MFHAS1: variants seen among roughly 807,000 people sequenced by gnomAD.
The protein encoded by MFHAS1 is malignant fibrous histiocytoma-amplified sequence 1.
In MFHAS1, 50 loss-of-function variants were observed where a neutral mutation model predicts 70.4. That is an observed-to-expected ratio of 0.71 (90% CI 0.57 to 0.90). MFHAS1 has a LOEUF of 0.90. Among genes scored for constraint, MFHAS1 ranks in the 40% least tolerant of loss-of-function variants. MFHAS1 has a pLI of 0.00. For missense variants in MFHAS1, 1,795 were observed against 1,347.6 expected, an observed-to-expected ratio of 1.33 and a Z score of -5.20; for synonymous variants, 952 against 620.0, an observed-to-expected ratio of 1.54 and a Z score of -7.96.
intron 2 of MFHAS1, among the ~76,000 whole-genome samples, chr8:8,793,615 G>C (rs1805791685): frequency 6.6e-6 from 1 of 152,222 alleles, no homozygotes; most frequent in South Asian, 2.1e-4. Context: ...AACAGTGAGT[G>C]ATATGTTCAC....
intron 1 of MFHAS1, among the ~76,000 whole-genome samples, chr8:8,871,457 C>T (rs767382952): frequency 6.6e-6 from 1 of 152,070 alleles, no homozygotes. Flanking sequence ...CAATGAGGCA[C>T]AAGAATCATT....
At chr8:8,821,485 G>A in intron 1 of MFHAS1, among the ~76,000 whole-genome samples, 1 of 152,314 alleles carries the variant, frequency 6.6e-6, no homozygotes, top group East Asian at 1.9e-4. Flanking sequence ...ATACAAAGTT[G>A]TTATTAATGC....
chr8:8,806,465 T>G (rs1346633613), intron 1 of MFHAS1, among the ~76,000 whole-genome samples: 1 of 152,212 alleles, frequency 6.6e-6, no homozygotes, highest in Non-Finnish European at 1.5e-5. Flanking sequence ...AGTCACCTAC[T>G]AAGAAGGGCT....
intron 1 of MFHAS1, among the ~76,000 whole-genome samples, chr8:8,887,845 G>A (rs1364767270): frequency 3.3e-5 from 4 of 121,456 alleles, no homozygotes; most frequent in African/African-American, 1.2e-4. Context: ...AAGAGCTGAC[G>A]TTAGCAAAAA....
At chr8:8,845,718 T>A (rs536553144) in intron 1 of MFHAS1, among the ~76,000 whole-genome samples, 1 of 152,188 alleles carries the variant, frequency 6.6e-6, no homozygotes, top group Non-Finnish European at 1.5e-5. Context: ...TAGAAAAGCA[T>A]AGAGAAGACT....
intron 2 of MFHAS1, among the ~76,000 whole-genome samples, chr8:8,787,106 A>G (rs1805572348): frequency 6.7e-6 from 1 of 148,998 alleles, no homozygotes; most frequent in Admixed American, 6.7e-5. Context: ...TTTGAGACAG[A>G]GTCTCGCTCT....
intron 1 of MFHAS1, among the ~76,000 whole-genome samples, chr8:8,875,091 T>A (rs1487137040): frequency 6.6e-6 from 1 of 152,232 alleles, no homozygotes; most frequent in Non-Finnish European, 1.5e-5. Context: ...TGATACCCAA[T>A]GTTGAGGAGG....
chr8:8,875,410 G>A (rs1273157636), intron 1 of MFHAS1, among the ~76,000 whole-genome samples: 1 of 151,920 alleles, frequency 6.6e-6, no homozygotes, highest in Non-Finnish European at 1.5e-5. Flanking sequence ...ACTAATCACA[G>A]GAAATTATAT....
chr8:8,827,144 G>A (rs920221365), intron 1 of MFHAS1, among the ~76,000 whole-genome samples: 2 of 152,188 alleles, frequency 1.3e-5, no homozygotes, highest in African/African-American at 4.8e-5. Flanking sequence ...TTAGTACGTA[G>A]AGAATTGTGC....
rs796901445 is a variant in MFHAS1 at position 8,864,926 on chromosome 8, C to T, written c.2998+25135G>A. Among the ~76,000 whole-genome samples the T allele has an allele frequency of 5.8e-4, 88 of 152,236 alleles. 1 individual carries two copies. Among genetic ancestry groups the T allele is most frequent in the African/African-American group, 2.1e-3 (86 of 41,546 alleles). On this transcript the variant is annotated intron_variant, in intron 1 of 2. Coordinates refer to ENST00000276282, the MANE Select transcript of MFHAS1 (RefSeq NM_004225.3). Reference sequence around the variant, plus strand: ...TTCTTTTGGCTTTAGGTATGAACCACATATTAGTTACTAGAAAGGGTATCT... The same window carrying T: ...TTCTTTTGGCTTTAGGTATGAACCATATATTAGTTACTAGAAAGGGTATCT...
intron 1 of MFHAS1, among the ~76,000 whole-genome samples, chr8:8,849,103 T>C (rs1585050379): frequency 8.4e-6 from 1 of 118,922 alleles, no homozygotes; most frequent in East Asian, 2.6e-4. Flanking sequence ...TTTGGAGACA[T>C]AGAGTCTAGC....
At position 8,890,286 on chromosome 8, in the gene MFHAS1, C is replaced by A; in HGVS notation, c.2773G>T (p.Val925Leu). ...CTGGCAGGTCTGTAACTCACAACCA[C>A]AGGAACTTTCCCTCTATAGGCAAAG... ...QIFAYRGKVP[V>L]VVSYRPARGV... is the part of the protein sequence containing the mutation. The change falls in exon 1 of 3, where the codon GTG becomes TTG. Residue 925 changes from valine (V) to leucine (L), a missense_variant. Val to Leu is a conservative substitution (Grantham distance 32). Coordinates refer to ENST00000276282, the MANE Select transcript of MFHAS1 (RefSeq NM_004225.3). 6.2e-7 allele frequency: 1 copy of A among 1,614,200 alleles called. No individual in the cohort carries two copies. The highest frequency in any genetic ancestry group is 8.5e-7 in the Non-Finnish European group (1 of 1,180,030).
At chr8:8,880,988 C>G (rs1204992551) in intron 1 of MFHAS1, among the ~76,000 whole-genome samples, 2 of 152,052 alleles carry the variant, frequency 1.3e-5, no homozygotes, top group Non-Finnish European at 2.9e-5. Context: ...CTGACCCATA[C>G]CTTCCTAAGA....
chr8:8,874,217 G>T (rs77667943), intron 1 of MFHAS1, among the ~76,000 whole-genome samples: 6 of 152,030 alleles, frequency 3.9e-5, no homozygotes, highest in Non-Finnish European at 7.4e-5. Flanking sequence ...GGTGGAGAAC[G>T]TACTTAGTTT....
chr8:8,860,078 A>G (rs1808603439), intron 1 of MFHAS1: 1 of 152,220 alleles, frequency 6.6e-6, no homozygotes, highest in South Asian at 2.1e-4. Flanking sequence ...CACAAAAAAA[A>G]TGGAAATAAT....
rs2116958863 is a variant in MFHAS1 at position 8,892,799 on chromosome 8, C to G, written c.260G>C (p.Gly87Ala). 6.3e-7 allele frequency: 1 copy of G among 1,586,624 alleles called. No individual in the cohort carries two copies. The highest frequency in any genetic ancestry group is 2.3e-5 in the East Asian group (1 of 43,494). Residue 87 changes from glycine (G) to alanine (A), a missense_variant, in exon 1 of 3, where the codon GGC (glycine) becomes GCC (alanine). Gly to Ala is a moderately conservative substitution (Grantham distance 60). Transcript: ENST00000276282. This position sits in a 1 kb window ranked among gnomAD's most constrained non-coding sequence, Gnocchi z 4.7. ...GCGCAGGACCAGGACGCGCAGGCTG[C>G]CCAGCGCCGACCCCAGCCCCTCGGG... ...EVPEGLGSAL[G>A]SLRVLVLRRN...
chr8:8,791,984 G>A (rs1805733512), intron 2 of MFHAS1, among the ~76,000 whole-genome samples: 1 of 152,198 alleles, frequency 6.6e-6, no homozygotes, highest in African/African-American at 2.4e-5. Flanking sequence ...GCTCACGCCT[G>A]TAATCCCAGC....
chr8:8,821,184 C>A (rs1424238456), intron 1 of MFHAS1, among the ~76,000 whole-genome samples: 1 of 152,174 alleles, frequency 6.6e-6, no homozygotes, highest in Non-Finnish European at 1.5e-5. Flanking sequence ...ACGGAATGAA[C>A]TGCCTGCCTG....
chr8:8,819,889 G>T (rs1277542223), intron 1 of MFHAS1, among the ~76,000 whole-genome samples: 3 of 151,980 alleles, frequency 2.0e-5, no homozygotes, highest in Non-Finnish European at 4.4e-5. Flanking sequence ...TGATAGAGAC[G>T]GGGTCTTTAC....
Sources: gnomAD v4.1 joint callset for allele counts (sites outside exome capture counted in the v4.1 genomes callset) on GRCh38, gnomAD v4.1.1 for gene constraint, Gnocchi (gnomAD v3.1) non-coding constraint, MANE v1.5 for transcripts, NCBI Gene and HGNC (gene_info 2026-07-23, HGNC 2026-07-21) for gene names.